The following ROCK2 variants were observed in gnomAD, a reference collection of about 807,000 sequenced individuals.
The protein encoded by ROCK2 is rho-associated protein kinase 2.
Under a neutral mutation model 195.1 loss-of-function variants are expected in ROCK2, and 61 were observed. That is an observed-to-expected ratio of 0.31 (90% confidence interval 0.25 to 0.39). The LOEUF is 0.39. Ranked by LOEUF, ROCK2 falls within the 10% of genes least tolerant of loss-of-function variation. ROCK2 has a pLI of 1.00. For synonymous variants in ROCK2, 504 were observed against 545.5 expected (o/e 0.92, Z 1.06); for missense variants, 1,109 against 1,637.4 (o/e 0.68, Z 5.57).
chr2:11,271,016 G>A (rs1215367604), intron 3 of ROCK2, among the ~76,000 whole-genome samples: 1 of 152,150 alleles, frequency 6.6e-6, no homozygotes, highest in African/African-American at 2.4e-5. Context: ...AATCTTGTGG[G>A]CAGTGTTCTA....
chr2:11,278,675 C>T (rs997878826), intron 3 of ROCK2, among the ~76,000 whole-genome samples: 5 of 152,106 alleles, frequency 3.3e-5, no homozygotes, highest in East Asian at 1.9e-4. Flanking sequence ...TGCAATGGTG[C>T]GATCTTGGCT....
chr2:11,341,599 A>C (rs1335796693), intron 1 of ROCK2, among the ~76,000 whole-genome samples: 1 of 152,166 alleles, frequency 6.6e-6, no homozygotes, highest in Non-Finnish European at 1.5e-5. Flanking sequence ...TTAGGTATAT[A>C]CTATTTTTAA....
chr2:11,207,963 A>G, intron 19 of ROCK2, 53 bp from the exon 20 acceptor site: 1 of 1,298,776 alleles, frequency 7.7e-7, no homozygotes, highest in Non-Finnish European at 1.0e-6. Flanking sequence ...CCATTTTTCT[A>G]ATCAATGAAG....
chr2:11,339,798 A>G (rs1669047481), intron 1 of ROCK2, among the ~76,000 whole-genome samples: 1 of 152,194 alleles, frequency 6.6e-6, no homozygotes, highest in Non-Finnish European at 1.5e-5. Context: ...GCAAAGGAAC[A>G]ATAAAATGTT....
At chr2:11,194,165 AG>A in intron 29 of ROCK2, 90 bp downstream of exon 29, 1 of 526,190 alleles carries the variant, frequency 1.9e-6, no homozygotes, top group Non-Finnish European at 3.3e-6. Context: ...ATATTACAGT[AG>A]GAGCTATACT....
At chr2:11,188,317 C>T (rs2148023787) in intron 32 of ROCK2, among the ~76,000 whole-genome samples, 1 of 152,044 alleles carries the variant, frequency 6.6e-6, no homozygotes, top group Non-Finnish European at 1.5e-5. Context: ...ACCATCTTGG[C>T]CAGGCTTGTC....
At chr2:11,317,576 T>TATA (rs1668236906) in intron 1 of ROCK2, among the ~76,000 whole-genome samples, 1 of 29,584 alleles carries the variant, frequency 3.4e-5, no homozygotes, top group African/African-American at 1.6e-4. Context: ...ATCTACACAT[T>TATA]TATATATATA....
chr2:11,240,662 G>A (rs1665391715), intron 4 of ROCK2, among the ~76,000 whole-genome samples: 1 of 152,166 alleles, frequency 6.6e-6, no homozygotes, highest in Non-Finnish European at 1.5e-5. Flanking sequence ...TTGGGATGGT[G>A]GAAATGCTCT....
intron 4 of ROCK2, among the ~76,000 whole-genome samples, chr2:11,237,929 A>C (rs1406929278): frequency 3.3e-5 from 5 of 152,180 alleles, no homozygotes; most frequent in Non-Finnish European, 5.9e-5. Flanking sequence ...AATTACAAAA[A>C]TGAGCCAGGA....
At chr2:11,327,104 C>CT (rs1668572676) in intron 1 of ROCK2, among the ~76,000 whole-genome samples, 1 of 152,100 alleles carries the variant, frequency 6.6e-6, no homozygotes, top group Non-Finnish European at 1.5e-5. Flanking sequence ...TCAACAAATG[C>CT]TTTTTTTGTT....
chr2:11,205,218 A>T (rs1201749271), intron 20 of ROCK2, among the ~76,000 whole-genome samples: 1 of 152,204 alleles, frequency 6.6e-6, no homozygotes, highest in Non-Finnish European at 1.5e-5. Flanking sequence ...GGCTGCAGAC[A>T]TATCTGCAAG....
At chr2:11,226,916 A>C (rs1257544118) in intron 6 of ROCK2, among the ~76,000 whole-genome samples, 1 of 60,500 alleles carries the variant, frequency 1.7e-5, no homozygotes, top group Non-Finnish European at 5.3e-5. Flanking sequence ...GCCTCAGAAA[A>C]AAAAAAAAAA....
At position 11,181,269 on chromosome 2, in the gene ROCK2, TATTA is replaced by T. The variant is rs952806526; in HGVS notation, c.*2164_*2167del. 6.7e-6 allele frequency: 1 copy of T among 149,408 alleles called. No homozygotes were observed. The highest frequency in any genetic ancestry group is 2.4e-5 in the African/African-American group (1 of 41,010). 9.3% of individuals were successfully genotyped at this position (149,408 alleles called of 1,614,324 possible). A position where few individuals can be genotyped will look rare whatever the true frequency, so the allele number is the denominator to read the frequency against. ...AATGTAACAAAATCTTTATATAAAA[TATTA>T]ATTCAGTCTCCTTTTAACAACTCTA... On this transcript the variant is annotated 3_prime_UTR_variant, in exon 33 of 33. Transcript: ENST00000315872.
intron 1 of ROCK2, among the ~76,000 whole-genome samples, chr2:11,296,797 TA>T (rs1454465548): frequency 6.6e-6 from 1 of 152,178 alleles, no homozygotes; most frequent in East Asian, 1.9e-4. Flanking sequence ...ATACAACATT[TA>T]AGTCTCAGGG....
At chr2:11,221,893 T>TAA (rs1398454826) in intron 8 of ROCK2, among the ~76,000 whole-genome samples, 190 bp downstream of exon 8, 1 of 152,228 alleles carries the variant, frequency 6.6e-6, no homozygotes, top group Non-Finnish European at 1.5e-5. Context: ...GAAATATTGC[T>TAA]AATAGTTTGC....
chr2:11,263,113 C>G (rs1666292100), intron 3 of ROCK2, among the ~76,000 whole-genome samples: 1 of 151,910 alleles, frequency 6.6e-6, no homozygotes, highest in Non-Finnish European at 1.5e-5. Context: ...TGTTTTATTC[C>G]AAAAAAGGAA....
At chr2:11,252,390 GAAA>G (rs528040157) in intron 3 of ROCK2, among the ~76,000 whole-genome samples, 1 of 133,630 alleles carries the variant, frequency 7.5e-6, no homozygotes. Context: ...CAGCCTGGGT[GAAA>G]AAAAAAAAAA....
intron 3 of ROCK2, among the ~76,000 whole-genome samples, chr2:11,254,727 T>TAAAAAAAAAAAAA (rs10640683): frequency 5.1e-5 from 2 of 39,126 alleles, no homozygotes; most frequent in Admixed American, 3.6e-4. Flanking sequence ...CCCTGTCTCT[T>TAAAAAAAAAAAAA]AAAAAAAAAA....
chr2:11,339,858 G>A (rs72771303), intron 1 of ROCK2, among the ~76,000 whole-genome samples: 6,470 of 152,214 alleles, frequency 0.043, 280 homozygotes, highest in Non-Finnish European at 0.06. Flanking sequence ...CAGCAGCGGC[G>A]ACGGCACACA....
Sources: allele counts gnomAD v4.1 joint callset (sites outside exome capture counted in the v4.1 genomes callset), GRCh38; gene constraint gnomAD v4.1.1; transcripts MANE v1.5; gene names NCBI Gene and HGNC (gene_info 2026-07-23, HGNC 2026-07-21).